XPO6: variants seen among roughly 807,000 people sequenced by gnomAD.
XPO6 encodes exportin-6.
In XPO6, 3 loss-of-function variants were observed where a neutral mutation model predicts 130.0. The ratio of observed to expected loss-of-function variants is 0.02; its 90% CI spans 0.01 to 0.06. The LOEUF (loss-of-function observed/expected upper bound fraction) is 0.06, where lower values mean the gene tolerates loss of function less well. Ranked by LOEUF, XPO6 falls within the 10% of genes least tolerant of loss-of-function variation. The probability of loss-of-function intolerance (pLI) is 1.00; values close to 1 mark genes in which losing one functional copy is unlikely to be tolerated. For missense variants in XPO6, 970 were observed against 1,393.0 expected, an observed-to-expected ratio of 0.70 and a Z score of 4.83; for synonymous variants, 524 against 548.9, an observed-to-expected ratio of 0.95 and a Z score of 0.63.
At chr16:28,102,686 T>C (rs575559388) in intron 21 of XPO6, among the ~76,000 whole-genome samples, 17 of 152,136 alleles carry the variant, frequency 1.1e-4, no homozygotes, top group African/African-American at 3.4e-4. Context: ...TGCAGTAAGC[T>C]GAGATCCTAC....
At chr16:28,139,962 T>C (rs1197605681) in intron 9 of XPO6, among the ~76,000 whole-genome samples, 2 of 152,238 alleles carry the variant, frequency 1.3e-5, no homozygotes, top group African/African-American at 4.8e-5. Context: ...CTGGGCGCAG[T>C]GGCTCACGCC....
At chr16:28,201,282 C>G (rs1183737621) in intron 1 of XPO6, among the ~76,000 whole-genome samples, 2 of 152,174 alleles carry the variant, frequency 1.3e-5, no homozygotes, top group African/African-American at 4.8e-5. Context: ...ACCACCCTCT[C>G]CAAATACTAT....
At chr16:28,172,690 C>T (rs145774289) in intron 4 of XPO6, among the ~76,000 whole-genome samples, 93 of 151,976 alleles carry the variant, frequency 6.1e-4, no homozygotes, top group Non-Finnish European at 9.9e-4. Context: ...GTGGTCACCA[C>T]AATTATAACA....
intron 1 of XPO6, 101 bp from the exon 2 acceptor site, chr16:28,181,132 C>A: frequency 1.2e-6 from 1 of 861,408 alleles, no homozygotes; most frequent in Non-Finnish European, 1.8e-6. Flanking sequence ...CAATTTACTT[C>A]CTCAAAATCT....
chr16:28,136,680 T>C (rs1596852345), intron 9 of XPO6, among the ~76,000 whole-genome samples: 1 of 152,230 alleles, frequency 6.6e-6, no homozygotes, highest in Non-Finnish European at 1.5e-5. Context: ...GTTTGGATAT[T>C]TCCCACATGT....
chr16:28,166,701 T>G, intron 5 of XPO6, 116 bp from the exon 6 acceptor site: 1 of 1,500,858 alleles, frequency 6.7e-7, no homozygotes, highest in Non-Finnish European at 8.9e-7. Flanking sequence ...AACATCCCTT[T>G]CTTGACCATG....
intron 4 of XPO6, among the ~76,000 whole-genome samples, chr16:28,174,427 A>C (rs1358263329): frequency 6.6e-6 from 1 of 151,982 alleles, no homozygotes; most frequent in Non-Finnish European, 1.5e-5. Context: ...GTACCTGTTT[A>C]TTGTTCGTTG....
intron 5 of XPO6, among the ~76,000 whole-genome samples, chr16:28,169,102 C>G (rs1019073255): frequency 7.9e-5 from 12 of 152,220 alleles, no homozygotes; most frequent in Admixed American, 6.5e-5. Flanking sequence ...CCGGCACCCT[C>G]AGGGCCTCAC....
Position 28,106,034 on chromosome 16 carries a change from A to G in XPO6, c.2784+9T>C, listed in dbSNP as rs755160942. On this transcript the variant is annotated intron_variant, in intron 20 of 23. Transcript: ENST00000304658. This position sits in a 1 kb window ranked among gnomAD's most constrained non-coding sequence, Gnocchi z 4.2. ...GGGGTGCTGCACAGGGGACCGTCTG[A>G]GCCCCTACCTCGGCAATGATGGGAT... 1 of 1,612,646 alleles carries G rather than the reference A, an allele frequency of 6.2e-7. No individual in the cohort carries two copies. Among genetic ancestry groups the G allele is most frequent in the Admixed American group, 1.7e-5 (1 of 59,994 alleles).
Position 28,125,795 on chromosome 16 carries a change from G to A in XPO6, c.1660C>T (p.Leu554=), listed in dbSNP as rs2087386378. The A allele has an allele frequency of 1.9e-6, 3 of 1,614,206 alleles. No homozygotes were observed. The highest frequency in any genetic ancestry group is 1.1e-5 in the South Asian group (1 of 91,084). ...ENDCRRLHCS[L]RDLSSLLQAV... is the part of the protein sequence containing the mutation. ...TGCAGCAGGGAGCTCAAGTCTCTCAGGGAGCAGTGCAGCCGCCGGCAGTCG... is the reference window on the plus strand; with the variant it reads ...TGCAGCAGGGAGCTCAAGTCTCTCAAGGAGCAGTGCAGCCGCCGGCAGTCG... Residue 554 remains leucine, a synonymous_variant, in exon 13 of 24, where the codon CTG becomes TTG. Coordinates refer to ENST00000304658, the MANE Select transcript of XPO6 (RefSeq NM_015171.4).
At chr16:28,117,225 T>C in intron 15 of XPO6, 93 bp downstream of exon 15, 1 of 1,521,186 alleles carries the variant, frequency 6.6e-7, no homozygotes, top group Admixed American at 1.7e-5. Flanking sequence ...GGTCTAACTC[T>C]GTGTCATATT....
Position 28,125,720 on chromosome 16 carries a change from G to A in XPO6, c.1735C>T (p.Arg579Trp), listed in dbSNP as rs575645455. 32 of 1,614,156 alleles carry A rather than the reference G, an allele frequency of 2.0e-5. 1 individual carries two copies. The highest frequency in any genetic ancestry group is 1.6e-4 in the Middle Eastern group (1 of 6,062). ...EYFIGDVFAARFNDALTVVER... is the reference protein window; with the variant it reads ...EYFIGDVFAAWFNDALTVVER... ...ACGACTGTGAGGGCATCATTGAACC[G>A]TGCAGCAAACACATCCCCGATAAAG... is the stretch of plus-strand genomic sequence containing the variant. The change falls in exon 13 of 24, where the codon CGG becomes TGG. Residue 579 changes from arginine to tryptophan, a missense_variant. Physicochemically the swap from Arg to Trp is moderately radical, Grantham distance 101. Transcript: ENST00000304658.
chr16:28,123,084 T>C (rs764043892), intron 13 of XPO6, among the ~76,000 whole-genome samples: 2 of 152,034 alleles, frequency 1.3e-5, no homozygotes, highest in African/African-American at 2.4e-5. Flanking sequence ...CCTCTTTCAT[T>C]ACAGACAGGA....
intron 14 of XPO6, among the ~76,000 whole-genome samples, chr16:28,121,022 G>A (rs1264623288): frequency 6.6e-6 from 1 of 152,222 alleles, no homozygotes; most frequent in Non-Finnish European, 1.5e-5. Context: ...CAAGTCTTCT[G>A]GGCAGTGAAA....
intron 1 of XPO6, among the ~76,000 whole-genome samples, chr16:28,190,461 G>A (rs1469617712): frequency 1.3e-5 from 2 of 152,054 alleles, no homozygotes; most frequent in Non-Finnish European, 2.9e-5. Flanking sequence ...GACCTCAAGC[G>A]ATACCGCCCA....
intron 1 of XPO6, among the ~76,000 whole-genome samples, chr16:28,205,389 C>CCTTT (rs2044012085): frequency 6.6e-6 from 1 of 152,030 alleles, no homozygotes; most frequent in South Asian, 2.1e-4. Context: ...CTTGGAAGGC[C>CCTTT]CTTTCTTTGT....
chr16:28,209,497 G>A (rs182390975), intron 1 of XPO6, among the ~76,000 whole-genome samples: 2 of 151,976 alleles, frequency 1.3e-5, no homozygotes, highest in African/African-American at 2.4e-5. Flanking sequence ...AAATTTAGCC[G>A]GGCATGGTGG....
chr16:28,189,011 G>T (rs1567645681), intron 1 of XPO6, among the ~76,000 whole-genome samples: 1 of 151,948 alleles, frequency 6.6e-6, no homozygotes, highest in Non-Finnish European at 1.5e-5. Context: ...GCCCAGGCTG[G>T]AGTACAGTGG....
chr16:28,198,075 A>C (rs1018022489), intron 1 of XPO6, among the ~76,000 whole-genome samples: 1 of 151,792 alleles, frequency 6.6e-6, no homozygotes, highest in Non-Finnish European at 1.5e-5. Context: ...GACATTAATC[A>C]CATTATTATT....
Sources: allele counts gnomAD v4.1 joint callset (sites outside exome capture counted in the v4.1 genomes callset), GRCh38; gene constraint gnomAD v4.1.1; non-coding constraint Gnocchi (gnomAD v3.1); transcripts MANE v1.5; gene names NCBI Gene and HGNC (gene_info 2026-07-23, HGNC 2026-07-21).